The following FARP2 variants were observed in gnomAD, a reference collection of about 807,000 sequenced individuals.
FARP2 encodes FERM, ARHGEF and pleckstrin domain-containing protein 2.
FARP2 carries 111 observed loss-of-function variants against 130.5 expected under a neutral mutation model. The observed-to-expected ratio is 0.85, with a 90% CI of 0.73 to 1.00. The LOEUF (loss-of-function observed/expected upper bound fraction) is 1.00, where lower values mean the gene tolerates loss of function less well. FARP2 is among the 50% of genes least tolerant of loss of function. The probability of loss-of-function intolerance (pLI) is 0.00; values close to 1 mark genes in which losing one functional copy is unlikely to be tolerated. For missense variants in FARP2, 1,385 were observed against 1,346.3 expected (o/e 1.03, Z -0.45); for synonymous variants, 504 against 516.9 (o/e 0.98, Z 0.34).
At chr2:241,414,018 A>G (rs1173048798) in intron 7 of FARP2, among the ~76,000 whole-genome samples, 5 of 150,358 alleles carry the variant, frequency 3.3e-5, no homozygotes, top group African/African-American at 7.3e-5. Flanking sequence ...TGGGGTGGCT[A>G]TTGGGGGGGT....
chr2:241,413,523 C>T, intron 7 of FARP2, 102 bp downstream of exon 7: 1 of 812,450 alleles, frequency 1.2e-6, no homozygotes, highest in South Asian at 1.6e-5. Flanking sequence ...AAGATTCTAA[C>T]ATAAGGACCA....
rs1035948841 is a variant in FARP2, at chr2:241,387,579, G to A, written c.183+14289G>A. On this transcript the variant is annotated intron_variant, in intron 2 of 26. Transcript: ENST00000264042. Reference sequence around the variant, plus strand: ...GAGGCTGAGGTGGGCTGATCACGAGGTCAGGAGATCGAGACCATCCTGGCT... The same window carrying A: ...GAGGCTGAGGTGGGCTGATCACGAGATCAGGAGATCGAGACCATCCTGGCT... 8.6e-4 allele frequency among the ~76,000 whole-genome samples: 131 copies of A among 152,186 alleles called. 1 individual carries two copies. The highest frequency in any genetic ancestry group is 3.4e-3 in the Middle Eastern group (1 of 292).
At chr2:241,436,395 T>C in intron 11 of FARP2, 86 bp from the exon 12 acceptor site, 1 of 1,149,622 alleles carries the variant, frequency 8.7e-7, no homozygotes, top group Non-Finnish European at 1.3e-6. Context: ...GTTTTCTTCA[T>C]GGATACAGTA....
rs767772775 is a variant in FARP2, at chr2:241,456,928, C to A, written c.1587+6C>A. 2 of 1,578,872 alleles carry A rather than the reference C, an allele frequency of 1.3e-6. No homozygotes were observed. The highest frequency in any genetic ancestry group is 1.7e-6 in the Non-Finnish European group (2 of 1,162,348). Reference sequence around the variant, plus strand: ...GCGAGGAGCCCAGACACAAGGTGGGCCCCTCGAGGCTGAGAAGCTAGCAGA... The same window carrying A: ...GCGAGGAGCCCAGACACAAGGTGGGACCCTCGAGGCTGAGAAGCTAGCAGA... On this transcript the variant is annotated splice_donor_region_variant and intron_variant, in intron 14 of 26. Coordinates refer to ENST00000264042, the MANE Select transcript of FARP2 (RefSeq NM_014808.4).
intron 26 of FARP2, 98 bp downstream of exon 26, chr2:241,493,542 T>A: frequency 8.8e-7 from 1 of 1,135,080 alleles, no homozygotes; most frequent in Non-Finnish European, 1.3e-6. Context: ...TTCTGGGCCC[T>A]GGAAAGGAAG....
chr2:241,462,551 T>TGA lies in FARP2; in HGVS notation c.1616_1617insGA (p.Ile539MetfsTer17), dbSNP rs762902954. 5 of 1,614,030 alleles carry TGA rather than the reference T, an allele frequency of 3.1e-6. No individual in the cohort carries two copies. The South Asian group carries it at 5.5e-5, about 18-fold the overall frequency. ...GTGCCTGCAGACGAGGCCTACTTCA[T>TGA]AGTCAAAGAGATTCTCGCTACAGAA... On this transcript the variant is annotated frameshift_variant, in exon 15 of 27. Coordinates refer to ENST00000264042, the MANE Select transcript of FARP2 (RefSeq NM_014808.4). LOFTEE classifies it high-confidence loss of function.
intron 17 of FARP2, among the ~76,000 whole-genome samples, chr2:241,464,541 C>T (rs114313239): frequency 8.8e-6 from 1 of 113,928 alleles, no homozygotes; most frequent in Admixed American, 8.4e-5. Flanking sequence ...AGAGCAGAGT[C>T]CCCCCTAAAG....
chr2:241,491,451 T>A, intron 23 of FARP2, 65 bp from the exon 24 acceptor site: 1 of 1,542,054 alleles, frequency 6.5e-7, no homozygotes. Context: ...ACCCAAGGGG[T>A]GGAAGTATTT....
At chr2:241,413,139 C>T (rs1042048572) in intron 6 of FARP2, among the ~76,000 whole-genome samples, 168 bp from the exon 7 acceptor site, 1 of 152,154 alleles carries the variant, frequency 6.6e-6, no homozygotes, top group Non-Finnish European at 1.5e-5. Flanking sequence ...TGCCTTTTAA[C>T]AGCATAAAAT....
At chr2:241,426,937 G>A (rs1036445699) in intron 8 of FARP2, among the ~76,000 whole-genome samples, 4 of 152,010 alleles carry the variant, frequency 2.6e-5, no homozygotes, top group Non-Finnish European at 5.9e-5. Context: ...GAAAATAAAC[G>A]ATAAAAAACA....
Position 241,434,994 on chromosome 2 carries a change from T to C in FARP2, c.1064T>C (p.Phe355Ser), listed in dbSNP as rs752914551. Residue 355 changes from phenylalanine to serine, a missense_variant, in exon 11 of 27, where the codon TTC (phenylalanine) becomes TCC (serine). By Grantham distance (155) the Phe-to-Ser change is radical. Coordinates refer to ENST00000264042, the MANE Select transcript of FARP2 (RefSeq NM_014808.4). ...ACTCAGAAACAACTAGTAGATTATT[T>C]CAAAGACAGTGGAATGAAGAGAATT... is the stretch of plus-strand genomic sequence containing the variant. ...GRTQKQLVDY[F>S]KDSGMKRIPY... is the part of the protein sequence containing the mutation. The C allele has an allele frequency of 2.5e-6, 4 of 1,597,724 alleles. No individual in the cohort carries two copies. In the Admixed American group the frequency reaches 6.8e-5, roughly 27 times the overall value.
chr2:241,440,967 T>C (rs57696929), intron 12 of FARP2, among the ~76,000 whole-genome samples: 28,728 of 152,118 alleles, frequency 0.19, 2,966 homozygotes, highest in East Asian at 0.4. Flanking sequence ...ATGGCACCAC[T>C]GTACTCCACC....
At chr2:241,483,905 C>G (rs753662805) in intron 20 of FARP2, 54 of 985,358 alleles carry the variant, frequency 5.5e-5, no homozygotes, top group Non-Finnish European at 6.4e-5. Flanking sequence ...AAGCCCCTCC[C>G]AGCATGTCCT....
rs755799985 is a variant in FARP2, at chr2:241,434,142, T to A, written c.868-16T>A. On this transcript the variant is annotated splice_polypyrimidine_tract_variant and intron_variant, in intron 9 of 26. Coordinates refer to ENST00000264042, the MANE Select transcript of FARP2 (RefSeq NM_014808.4). ...CTTCATTCTTGAATTAATTAACCTT[T>A]GTGTTTTGTTTCTAGGGACCTTACC... 3 of 1,579,912 alleles carry A rather than the reference T, an allele frequency of 1.9e-6. No homozygotes were observed. Among genetic ancestry groups the A allele is most frequent in the Non-Finnish European group, 2.6e-6 (3 of 1,161,428 alleles).
intron 13 of FARP2, among the ~76,000 whole-genome samples, chr2:241,453,483 A>T (rs375028004): frequency 6.6e-6 from 1 of 151,528 alleles, no homozygotes. Context: ...TTAGCCAGGC[A>T]TGGTGGTGGG....
chr2:241,456,161 T>G (rs544441036), intron 13 of FARP2, among the ~76,000 whole-genome samples: 6 of 152,310 alleles, frequency 3.9e-5, no homozygotes, highest in African/African-American at 1.4e-4. Context: ...AGGGGAAAAT[T>G]ATTACTGTGT....
chr2:241,494,177 AG>A lies in FARP2; in HGVS notation c.*54del, dbSNP rs1019556729. ...AACTACAAAGAACAGCAGGACACAG[AG>A]GTGACCTCTGTCCTGAGGCTTCTCA... On this transcript the variant is annotated 3_prime_UTR_variant, in exon 27 of 27. Coordinates refer to ENST00000264042, the MANE Select transcript of FARP2 (RefSeq NM_014808.4). The surrounding 1 kb of genome is among the most constrained non-coding windows in gnomAD (Gnocchi z 4.9). The A allele has an allele frequency of 8.6e-7, 1 of 1,163,940 alleles. No individual in the cohort carries two copies. Among genetic ancestry groups the A allele is most frequent in the Non-Finnish European group, 1.2e-6 (1 of 843,920 alleles). 72.1% of individuals were successfully genotyped at this position (1,163,940 alleles called of 1,614,324 possible). A position where few individuals can be genotyped will look rare whatever the true frequency, so the allele number is the denominator to read the frequency against.
intron 24 of FARP2, among the ~76,000 whole-genome samples, chr2:241,492,210 C>T (rs1381816632): frequency 1.3e-5 from 2 of 152,198 alleles, no homozygotes; most frequent in Non-Finnish European, 2.9e-5. Flanking sequence ...ATAATTCACC[C>T]CAGCCACAAT....
chr2:241,371,898 A>G (rs2061432607), intron 1 of FARP2, among the ~76,000 whole-genome samples: 1 of 152,146 alleles, frequency 6.6e-6, no homozygotes, highest in Non-Finnish European at 1.5e-5. Flanking sequence ...GATACTTAAT[A>G]CTAAATATTT....
Sources: allele counts gnomAD v4.1 joint callset (sites outside exome capture counted in the v4.1 genomes callset), GRCh38; gene constraint gnomAD v4.1.1; non-coding constraint Gnocchi (gnomAD v3.1); transcripts MANE v1.5; gene names NCBI Gene and HGNC (gene_info 2026-07-23, HGNC 2026-07-21).